The following SPATA16 variants were observed in gnomAD, a reference collection of about 807,000 sequenced individuals.
The protein encoded by SPATA16 is spermatogenesis-associated protein 16.
In SPATA16, 36 loss-of-function variants were observed where a neutral mutation model predicts 63.3. The ratio of observed to expected loss-of-function variants is 0.57; its 90% CI spans 0.44 to 0.75. SPATA16 has a LOEUF of 0.75. Among genes scored for constraint, SPATA16 ranks in the 30% least tolerant of loss-of-function variants. The pLI is 0.00. For synonymous variants in SPATA16, 203 were observed against 216.7 expected (o/e 0.94, Z 0.56); for missense variants, 646 against 679.3 (o/e 0.95, Z 0.54).
intron 4 of SPATA16, among the ~76,000 whole-genome samples, chr3:172,998,894 T>TGTTTGA (rs1734753768): frequency 6.6e-6 from 1 of 152,184 alleles, no homozygotes; most frequent in Non-Finnish European, 1.5e-5. Flanking sequence ...TGGAATACAT[T>TGTTTGA]CCACTTGATA....
intron 3 of SPATA16, among the ~76,000 whole-genome samples, chr3:173,046,406 A>G (rs1229769045): frequency 6.6e-6 from 1 of 152,034 alleles, no homozygotes; most frequent in East Asian, 1.9e-4. Flanking sequence ...TTCAAAACGT[A>G]TCTCTGTTGA....
At chr3:172,956,889 A>G in intron 5 of SPATA16, 65 bp from the exon 6 acceptor site, 1 of 1,574,190 alleles carries the variant, frequency 6.4e-7, no homozygotes, top group Admixed American at 1.7e-5. Context: ...GAATGTAAAA[A>G]ATATAATTAC....
chr3:172,985,886 T>A (rs1021317068), intron 4 of SPATA16, among the ~76,000 whole-genome samples: 5 of 152,154 alleles, frequency 3.3e-5, no homozygotes, highest in Admixed American at 2.6e-4. Flanking sequence ...GGCAGATGAA[T>A]TTAAACTTTA....
intron 2 of SPATA16, among the ~76,000 whole-genome samples, chr3:173,091,433 C>T (rs1169589284): frequency 1.3e-5 from 2 of 151,990 alleles, no homozygotes; most frequent in African/African-American, 2.4e-5. Context: ...TTCTTACTGA[C>T]ATTTCACATC....
intron 2 of SPATA16, among the ~76,000 whole-genome samples, chr3:173,068,945 A>C (rs1220985658): frequency 5.3e-5 from 8 of 150,816 alleles, no homozygotes; most frequent in Admixed American, 1.3e-4. Context: ...CCCGTCTCTA[A>C]TAAAAATACA....
intron 2 of SPATA16, among the ~76,000 whole-genome samples, chr3:173,114,541 T>C (rs1372132262): frequency 6.6e-6 from 1 of 152,218 alleles, no homozygotes. Context: ...GGAAAGGAGA[T>C]ATAACCTGGC....
In SPATA16 at chr3:173,112,483, G is replaced by A. The variant is rs554555245; in HGVS notation, c.612+4637C>T. On this transcript the variant is annotated intron_variant, in intron 2 of 10. Coordinates refer to ENST00000351008, the MANE Select transcript of SPATA16 (RefSeq NM_031955.6). ...CCCTGAAACCAGATAAGCGGATCCC[G>A]ACTCCACCACCTCTAGCTTTTGACC... Among the ~76,000 whole-genome samples the A allele has an allele frequency of 2.3e-3, 347 of 152,268 alleles. 1 individual carries two copies. The highest frequency in any genetic ancestry group is 8.1e-3 in the African/African-American group (336 of 41,546).
chr3:172,922,812 C>T (rs939557524), intron 8 of SPATA16, among the ~76,000 whole-genome samples: 2 of 152,164 alleles, frequency 1.3e-5, no homozygotes, highest in African/African-American at 4.8e-5. Flanking sequence ...ATCCCGGCTA[C>T]TCTGGAGGCT....
At chr3:172,993,331 T>C (rs544716791) in intron 4 of SPATA16, among the ~76,000 whole-genome samples, 1 of 152,250 alleles carries the variant, frequency 6.6e-6, no homozygotes, top group African/African-American at 2.4e-5. Flanking sequence ...TTGAAACCTA[T>C]TTTTAAAAAT....
intron 6 of SPATA16, among the ~76,000 whole-genome samples, chr3:172,932,568 G>T (rs1732896673): frequency 6.6e-6 from 1 of 151,856 alleles, no homozygotes; most frequent in Non-Finnish European, 1.5e-5. Context: ...GTTTTATTTT[G>T]TACTCTTTTT....
At chr3:172,968,642 C>CA (rs1258878987) in intron 5 of SPATA16, among the ~76,000 whole-genome samples, 1 of 152,140 alleles carries the variant, frequency 6.6e-6, no homozygotes, top group African/African-American at 2.4e-5. Context: ...CTAATGCCTG[C>CA]AGCACTCACA....
At chr3:173,068,978 CA>C (rs1180024760) in intron 2 of SPATA16, among the ~76,000 whole-genome samples, 1 of 151,160 alleles carries the variant, frequency 6.6e-6, no homozygotes, top group Non-Finnish European at 1.5e-5. Flanking sequence ...GGCGTGGTGG[CA>C]GGCGCCTGTA....
intron 2 of SPATA16, among the ~76,000 whole-genome samples, chr3:173,114,445 T>G (rs1737838804): frequency 6.6e-6 from 1 of 152,178 alleles, no homozygotes. Flanking sequence ...TTTTTCCTTT[T>G]TCTCATTTTT....
chr3:173,075,192 T>C (rs954999955), intron 2 of SPATA16, among the ~76,000 whole-genome samples: 2 of 150,290 alleles, frequency 1.3e-5, no homozygotes, highest in African/African-American at 4.9e-5. Context: ...ATAAAAAAGA[T>C]AACAATATAA....
intron 2 of SPATA16, among the ~76,000 whole-genome samples, chr3:173,088,079 T>TTTC (rs1341575315): frequency 1.4e-4 from 15 of 105,992 alleles, no homozygotes; most frequent in African/African-American, 5.7e-4. Context: ...TCTTTCTTTC[T>TTTC]GTCTTTTCTT....
intron 1 of SPATA16, among the ~76,000 whole-genome samples, chr3:173,138,382 C>T (rs536440449): frequency 2.4e-4 from 36 of 151,904 alleles, no homozygotes; most frequent in African/African-American, 8.2e-4. Context: ...GCTAAAGGTC[C>T]CTAAAGAAAA....
intron 3 of SPATA16, among the ~76,000 whole-genome samples, chr3:173,040,739 TG>T (rs1735819942): frequency 6.6e-6 from 1 of 152,210 alleles, no homozygotes; most frequent in Non-Finnish European, 1.5e-5. Context: ...ATAGGTTTGC[TG>T]GGATGTAGTT....
chr3:173,119,317 G>A (rs1485202290), intron 1 of SPATA16, among the ~76,000 whole-genome samples: 1 of 152,106 alleles, frequency 6.6e-6, no homozygotes, highest in African/African-American at 2.4e-5. Context: ...AGAACTTAAA[G>A]CAAACAAATA....
chr3:172,920,229 A>G (rs1027252572), intron 8 of SPATA16, among the ~76,000 whole-genome samples: 2 of 152,218 alleles, frequency 1.3e-5, no homozygotes, highest in Non-Finnish European at 2.9e-5. Context: ...AAGGTGACAC[A>G]ATGTCACCAA....
Sources: allele counts gnomAD v4.1 joint callset (sites outside exome capture counted in the v4.1 genomes callset), GRCh38; gene constraint gnomAD v4.1.1; transcripts MANE v1.5; gene names NCBI Gene and HGNC (gene_info 2026-07-23, HGNC 2026-07-21).